RIMS1: variants seen among roughly 807,000 people sequenced by gnomAD.
The protein encoded by RIMS1 is regulating synaptic membrane exocytosis 1, also known as regulating synaptic membrane exocytosis protein 1.
Under a neutral mutation model 214.1 loss-of-function variants are expected in RIMS1, and 83 were observed. That is an observed-to-expected ratio of 0.39 (90% CI 0.32 to 0.47). The LOEUF (loss-of-function observed/expected upper bound fraction) is 0.47, where lower values mean the gene tolerates loss of function less well. Ranked by LOEUF, RIMS1 falls within the 20% of genes least tolerant of loss-of-function variation. The pLI is 0.99. For missense variants in RIMS1, 2,050 were observed against 2,161.8 expected, an observed-to-expected ratio of 0.95 and a Z score of 1.03; for synonymous variants, 793 against 786.8, an observed-to-expected ratio of 1.01 and a Z score of -0.13.
intron 2 of RIMS1, among the ~76,000 whole-genome samples, chr6:72,076,951 C>T (rs188653632): frequency 1.3e-5 from 2 of 152,244 alleles, no homozygotes; most frequent in South Asian, 2.1e-4. Context: ...CCTCCCATTC[C>T]GCTTAGAAGA....
At chr6:72,383,026 T>TA (rs1245535324) in intron 29 of RIMS1, among the ~76,000 whole-genome samples, 1 of 152,166 alleles carries the variant, frequency 6.6e-6, no homozygotes, top group African/African-American at 2.4e-5. Context: ...ACACAAGAAT[T>TA]ATCTTGAGGA....
rs1262525820 is a variant in RIMS1 at position 72,221,267 on chromosome 6, T to C, written c.1679-12506T>C. Among the ~76,000 whole-genome samples, 5 of 151,482 alleles carry C rather than the reference T, an allele frequency of 3.3e-5. No individual in the cohort carries two copies. In the East Asian group the frequency reaches 7.7e-4, roughly 23 times the overall value. On this transcript the variant is annotated intron_variant, in intron 6 of 33. Transcript: ENST00000521978. ...ACAGTGATAATTATGTCAGAGATTA[T>C]GGTAGGCCCAAAGATCTGGGGTGAG...
chr6:72,054,359 G>C (rs1223055000), intron 2 of RIMS1, among the ~76,000 whole-genome samples: 4 of 152,000 alleles, frequency 2.6e-5, no homozygotes, highest in African/African-American at 9.7e-5. Flanking sequence ...CCATGTCTTT[G>C]TATTGTAAAC....
At chr6:72,077,841 G>C (rs9442732) in intron 2 of RIMS1, among the ~76,000 whole-genome samples, 2,120 of 152,298 alleles carry the variant, frequency 0.014, 49 homozygotes, top group African/African-American at 0.047. Context: ...GCCCTGGCTT[G>C]TATCTGGTAA....
intron 26 of RIMS1, among the ~76,000 whole-genome samples, chr6:72,304,452 C>T (rs1056701624): frequency 1.3e-5 from 2 of 151,750 alleles, no homozygotes; most frequent in African/African-American, 4.8e-5. Context: ...ATCATTACTA[C>T]TATTCTCCAT....
chr6:72,292,111 C>G, intron 26 of RIMS1, 65 bp downstream of exon 26: 1 of 952,828 alleles, frequency 1.0e-6, no homozygotes, highest in South Asian at 1.7e-5. Context: ...TATTTATACC[C>G]CTTTTATTAA....
chr6:72,221,291 A>AGAGTGTGT (rs1554289629), intron 6 of RIMS1, among the ~76,000 whole-genome samples: 279 of 138,622 alleles, frequency 2.0e-3, no homozygotes, highest in African/African-American at 6.4e-3. Context: ...ATCTGGGGTG[A>AGAGTGTGT]GTGTGTGTGT....
At position 72,172,932 on chromosome 6, in the gene RIMS1, T is replaced by C. The variant is rs975964203; in HGVS notation, c.472-6643T>C. 5.9e-5 allele frequency among the ~76,000 whole-genome samples: 9 copies of C among 152,300 alleles called. No homozygotes were observed. The East Asian group carries it at 1.7e-3, about 29-fold the overall frequency. Reference sequence around the variant, plus strand: ...GGGTTTCAAAGAGGGCTCTTCATCATGGGACTTCCCTTAACATTTGCTCTT... The same window carrying C: ...GGGTTTCAAAGAGGGCTCTTCATCACGGGACTTCCCTTAACATTTGCTCTT... On this transcript the variant is annotated intron_variant, in intron 4 of 33. Transcript: ENST00000521978.
At chr6:72,343,595 G>T (rs543207392) in intron 29 of RIMS1, among the ~76,000 whole-genome samples, 5 of 143,236 alleles carry the variant, frequency 3.5e-5, no homozygotes, top group African/African-American at 1.3e-4. Flanking sequence ...ACTGGCATGA[G>T]TCACCACACC....
chr6:72,309,390 G>C (rs531875772), intron 27 of RIMS1, among the ~76,000 whole-genome samples: 1 of 152,080 alleles, frequency 6.6e-6, no homozygotes, highest in Admixed American at 6.6e-5. Flanking sequence ...CAGAATGAAA[G>C]AGGTAATTAA....
intron 3 of RIMS1, among the ~76,000 whole-genome samples, chr6:72,099,285 C>T (rs2032913047): frequency 6.6e-6 from 1 of 152,102 alleles, no homozygotes. Context: ...ACACTCACGC[C>T]TAGTGTAGTT....
At chr6:72,123,561 T>C (rs2038869952) in intron 4 of RIMS1, among the ~76,000 whole-genome samples, 1 of 151,914 alleles carries the variant, frequency 6.6e-6, no homozygotes, top group Admixed American at 6.6e-5. Flanking sequence ...TGTCTAATAT[T>C]GACAGTGGGG....
chr6:71,948,199 C>T (rs1479997863), intron 1 of RIMS1, among the ~76,000 whole-genome samples: 2 of 152,102 alleles, frequency 1.3e-5, no homozygotes, highest in African/African-American at 4.8e-5. Flanking sequence ...AGGCCTCATA[C>T]ATATTACTAA....
At chr6:72,025,257 C>G (rs1816074606) in intron 2 of RIMS1, among the ~76,000 whole-genome samples, 1 of 152,106 alleles carries the variant, frequency 6.6e-6, no homozygotes, top group South Asian at 2.1e-4. Flanking sequence ...TAGACTTTTA[C>G]AGACATTTGC....
intron 1 of RIMS1, among the ~76,000 whole-genome samples, chr6:71,930,213 A>C (rs1782649593): frequency 6.6e-6 from 1 of 152,080 alleles, no homozygotes; most frequent in African/African-American, 2.4e-5. Flanking sequence ...AAAGGACAGA[A>C]GAGTATTGTA....
chr6:72,178,783 G>A (rs1368234814), intron 4 of RIMS1, among the ~76,000 whole-genome samples: 1 of 152,048 alleles, frequency 6.6e-6, no homozygotes, highest in Non-Finnish European at 1.5e-5. Context: ...TCATTTTAAA[G>A]GTCATCAAAT....
chr6:72,203,690 T>C (rs528442847), intron 6 of RIMS1, among the ~76,000 whole-genome samples: 1 of 152,298 alleles, frequency 6.6e-6, no homozygotes, highest in Non-Finnish European at 1.5e-5. Flanking sequence ...AAAACTAATC[T>C]GGTTTAGTCA....
At chr6:72,052,401 C>T (rs1337692143) in intron 2 of RIMS1, among the ~76,000 whole-genome samples, 1 of 152,192 alleles carries the variant, frequency 6.6e-6, no homozygotes, top group Non-Finnish European at 1.5e-5. Flanking sequence ...GAAATAGGGA[C>T]AAGAGTATTT....
intron 2 of RIMS1, among the ~76,000 whole-genome samples, chr6:72,011,553 T>C (rs891250544): frequency 3.4e-4 from 51 of 151,898 alleles, no homozygotes; most frequent in Non-Finnish European, 3.5e-4. Flanking sequence ...ACCTACAAAA[T>C]CGGAGAAAAT....
Sources: gnomAD v4.1 joint callset for allele counts (sites outside exome capture counted in the v4.1 genomes callset) on GRCh38, gnomAD v4.1.1 for gene constraint, MANE v1.5 for transcripts, NCBI Gene and HGNC (gene_info 2026-07-23, HGNC 2026-07-21) for gene names.